Variants in KLRF1 observed in about 807,000 individuals in gnomAD.
The protein encoded by KLRF1 is killer cell lectin-like receptor subfamily F member 1.
In KLRF1, 27 loss-of-function variants were observed where a neutral mutation model predicts 30.7. The ratio of observed to expected loss-of-function variants is 0.88; its 90% CI spans 0.65 to 1.21. KLRF1 has a LOEUF of 1.21. Ranked by LOEUF, KLRF1 falls within the 50% of genes most tolerant of loss-of-function variation. KLRF1 has a pLI of 0.00. For missense variants in KLRF1, 246 were observed against 259.3 expected, an observed-to-expected ratio of 0.95 and a Z score of 0.35; for synonymous variants, 92 against 89.3, an observed-to-expected ratio of 1.03 and a Z score of -0.17.
At chr12:9,807,019 C>T in the KLRF1 span, among the ~76,000 whole-genome samples, 4 of 151,778 alleles carry the variant, frequency 2.6e-5, no homozygotes, top group Non-Finnish European at 2.9e-5. Flanking sequence ...TTTTTTTTGG[C>T]GTTAATGTAA....
chr12:9,844,782 T>A lies in KLRF1; in HGVS notation c.*256T>A. On this transcript the variant is annotated 3_prime_UTR_variant, in exon 6 of 6. Coordinates refer to ENST00000617889, the MANE Select transcript of KLRF1 (RefSeq NM_016523.3). ...TGATCATATCCAGGATTTTTATTCG[T>A]CGCTTATTTTATGCCAAATGTGATC... is the stretch of plus-strand genomic sequence containing the variant. 4.6e-6 allele frequency: 1 copy of A among 215,372 alleles called. No homozygotes were observed. The highest frequency in any genetic ancestry group is 9.2e-6 in the Non-Finnish European group (1 of 108,344). 13.3% of individuals were successfully genotyped at this position (215,372 alleles called of 1,614,324 possible).
At chr12:9,829,462 A>G (rs1867360447) in intron 1 of KLRF1, among the ~76,000 whole-genome samples, 2 of 152,150 alleles carry the variant, frequency 1.3e-5, no homozygotes, top group Non-Finnish European at 2.9e-5. Flanking sequence ...TCAAACTTAT[A>G]TAATGAGGGG....
the KLRF1 span, among the ~76,000 whole-genome samples, chr12:9,810,060 C>T: frequency 1.3e-5 from 2 of 152,102 alleles, no homozygotes; most frequent in African/African-American, 4.8e-5. Flanking sequence ...TTGTGAATGA[C>T]AACATCTGAA....
At chr12:9,813,714 G>T in the KLRF1 span, among the ~76,000 whole-genome samples, 1 of 152,298 alleles carries the variant, frequency 6.6e-6, no homozygotes, top group African/African-American at 2.4e-5. Flanking sequence ...AAGCTCTGAG[G>T]CAGGAAAGAG....
chr12:9,827,465 T>A (rs1406293075), upstream of KLRF1: 4 of 713,328 alleles, frequency 5.6e-6, no homozygotes, highest in East Asian at 5.7e-5. Flanking sequence ...AGCAGCAGAT[T>A]TATTATTCTT....
the KLRF1 span, among the ~76,000 whole-genome samples, chr12:9,821,479 T>C: frequency 6.6e-6 from 1 of 152,086 alleles, no homozygotes; most frequent in Non-Finnish European, 1.5e-5. Flanking sequence ...CTTCCCCTGC[T>C]CATCACCAAG....
At chr12:9,818,274 T>A in the KLRF1 span, among the ~76,000 whole-genome samples, 2 of 152,192 alleles carry the variant, frequency 1.3e-5, no homozygotes, top group Non-Finnish European at 2.9e-5. Context: ...TCAATTCTCC[T>A]CTGGGTTGTG....
intron 3 of KLRF1, among the ~76,000 whole-genome samples, chr12:9,836,443 T>G (rs1867579786): frequency 6.6e-6 from 1 of 152,082 alleles, no homozygotes; most frequent in Non-Finnish European, 1.5e-5. Context: ...AACTCCCTCT[T>G]AGAGTGGATA....
chr12:9,842,653 T>C (rs1012721803), intron 5 of KLRF1, among the ~76,000 whole-genome samples: 4 of 152,098 alleles, frequency 2.6e-5, no homozygotes, highest in African/African-American at 7.2e-5. Flanking sequence ...TTTCTCACAC[T>C]TTATATAGAA....
the KLRF1 span, among the ~76,000 whole-genome samples, chr12:9,820,430 C>G: frequency 6.6e-6 from 1 of 152,140 alleles, no homozygotes; most frequent in South Asian, 2.1e-4. Flanking sequence ...CTGTGGCTCT[C>G]GAGCCAGTAG....
At chr12:9,801,237 C>T in the KLRF1 span, among the ~76,000 whole-genome samples, 1 of 152,046 alleles carries the variant, frequency 6.6e-6, no homozygotes, top group African/African-American at 2.4e-5. Flanking sequence ...TTTCTTTATC[C>T]AGTCTATCAT....
At chr12:9,836,014 C>T (rs2121219063) in intron 3 of KLRF1, among the ~76,000 whole-genome samples, 1 of 152,040 alleles carries the variant, frequency 6.6e-6, no homozygotes, top group Admixed American at 6.6e-5. Flanking sequence ...GTTGCCCAGT[C>T]TACATGTAAG....
At chr12:9,834,807 G>A (rs1308229479) in intron 3 of KLRF1, among the ~76,000 whole-genome samples, 2 of 152,000 alleles carry the variant, frequency 1.3e-5, no homozygotes, top group Non-Finnish European at 2.9e-5. Context: ...CATACACCAG[G>A]CCAGATTGAT....
intron 3 of KLRF1, 110 bp downstream of exon 3, chr12:9,833,562 T>C (rs905248835): frequency 1.9e-5 from 18 of 943,468 alleles, no homozygotes; most frequent in Middle Eastern, 2.4e-4. Flanking sequence ...AAAAGTTTGG[T>C]ATAAGTCTAC....
At chr12:9,834,299 A>G (rs1023902653) in intron 3 of KLRF1, among the ~76,000 whole-genome samples, 56 of 152,220 alleles carry the variant, frequency 3.7e-4, no homozygotes, top group African/African-American at 1.3e-3. Flanking sequence ...TTCAGGTCAC[A>G]GGGGATGCGA....
chr12:9,830,414 C>A (rs1236173915), intron 1 of KLRF1, among the ~76,000 whole-genome samples: 2 of 151,946 alleles, frequency 1.3e-5, no homozygotes, highest in East Asian at 3.9e-4. Flanking sequence ...TATTTTTCTT[C>A]ATTGAATTAT....
chr12:9,841,684 A>G (rs1212018025), intron 3 of KLRF1, 128 bp from the exon 4 acceptor site: 2 of 631,968 alleles, frequency 3.2e-6, no homozygotes, highest in African/African-American at 3.8e-5. Flanking sequence ...TGTCTGGACA[A>G]TTTGCTATAA....
chr12:9,821,975 GCC>G, the KLRF1 span, among the ~76,000 whole-genome samples: 1 of 152,190 alleles, frequency 6.6e-6, no homozygotes, highest in Non-Finnish European at 1.5e-5. Flanking sequence ...CCTGCACAAA[GCC>G]TCAACCCTGT....
upstream of KLRF1, among the ~76,000 whole-genome samples, chr12:9,824,869 A>G (rs1056062575): frequency 5.3e-5 from 8 of 152,188 alleles, 1 homozygote; most frequent in Admixed American, 5.2e-4. Flanking sequence ...TCCATTTATG[A>G]TAGCCACAAA....
Sources: gnomAD v4.1 joint callset for allele counts (sites outside exome capture counted in the v4.1 genomes callset) on GRCh38, gnomAD v4.1.1 for gene constraint, MANE v1.5 for transcripts, NCBI Gene and HGNC (gene_info 2026-07-23, HGNC 2026-07-21) for gene names.